RRP9: variants seen among roughly 807,000 people sequenced by gnomAD.
The protein encoded by RRP9 is ribosomal RNA processing 9, U3 small nucleolar RNA binding protein, also known as U3 small nucleolar RNA-interacting protein 2.
In RRP9, 35 loss-of-function variants were observed where a neutral mutation model predicts 65.5. That is an observed-to-expected ratio of 0.53 (90% confidence interval 0.41 to 0.71). RRP9 has a LOEUF of 0.71. RRP9 is among the 30% of genes least tolerant of loss of function. The pLI, the probability that RRP9 is intolerant of heterozygous loss-of-function variation, is 0.00. For synonymous variants in RRP9, 254 were observed against 245.0 expected (o/e 1.04, Z -0.34); for missense variants, 533 against 633.6 (o/e 0.84, Z 1.70).
Position 51,933,438 on chromosome 3 carries a change from A to G in RRP9, c.*68T>C. The G allele has an allele frequency of 7.5e-7, 1 of 1,332,974 alleles. No individual in the cohort carries two copies. Among genetic ancestry groups the G allele is most frequent in the South Asian group, 1.2e-5 (1 of 80,800 alleles). The allele number at this position is 1,332,974 out of a possible 1,614,324, so 82.6% of individuals were successfully genotyped here. A position where few individuals can be genotyped will look rare whatever the true frequency, so the allele number is the denominator to read the frequency against. On this transcript the variant is annotated 3_prime_UTR_variant, in exon 15 of 15. Coordinates refer to ENST00000232888, the MANE Select transcript of RRP9 (RefSeq NM_004704.5). ...AGCTACAAGAAACAAGGCCCAAAAG[A>G]GGAGGCTTTTAATACAAAGAGGGTG... is the stretch of plus-strand genomic sequence containing the variant.
At chr3:51,933,875 G>A in intron 13 of RRP9, 94 bp from the exon 14 acceptor site, 16 of 1,239,166 alleles carry the variant, frequency 1.3e-5, no homozygotes, top group Non-Finnish European at 1.8e-5. Flanking sequence ...ATCAGGCCTG[G>A]GTTAAATCCC....
At chr3:51,939,664 TA>T (rs1046362528) in intron 2 of RRP9, among the ~76,000 whole-genome samples, 1 of 152,258 alleles carries the variant, frequency 6.6e-6, no homozygotes, top group Non-Finnish European at 1.5e-5. Flanking sequence ...AAATTATACC[TA>T]AATGGAAAAT....
intron 2 of RRP9, among the ~76,000 whole-genome samples, chr3:51,940,693 TG>T: frequency 6.6e-6 from 1 of 152,194 alleles, no homozygotes; most frequent in South Asian, 2.1e-4. Context: ...TTTTTTTTTT[TG>T]TACAGACAAG....
chr3:51,937,841 C>G lies in RRP9; in HGVS notation c.281-105G>C. 7.3e-7 allele frequency: 1 copy of G among 1,374,006 alleles called. No individual in the cohort carries two copies. Among genetic ancestry groups the G allele is most frequent in the Non-Finnish European group, 1.0e-6 (1 of 986,194 alleles). 85.1% of individuals were successfully genotyped at this position (1,374,006 alleles called of 1,614,324 possible). ...CAGGGCTGGATAATGCAGGAAGCTC[C>G]AGCTGCCTCAGCAGAGGGGAGGGCA... is the stretch of plus-strand genomic sequence containing the variant. On this transcript the variant is annotated intron_variant, in intron 3 of 14. Coordinates refer to ENST00000232888, the MANE Select transcript of RRP9 (RefSeq NM_004704.5). This position sits in a 1 kb window ranked among gnomAD's most constrained non-coding sequence, Gnocchi z 5.0.
Position 51,934,941 on chromosome 3 carries a change from C to T in RRP9, c.1035-165G>A, listed in dbSNP as rs1464176600. ...AAACATCTCAAGTACCCCACAAATA[C>T]GTACACCTACTAAGCACCCACAACA... is the stretch of plus-strand genomic sequence containing the variant. On this transcript the variant is annotated intron_variant, in intron 11 of 14. Transcript: ENST00000232888. This position sits in a 1 kb window ranked among gnomAD's most constrained non-coding sequence, Gnocchi z 4.1. 2.6e-5 allele frequency among the ~76,000 whole-genome samples: 4 copies of T among 152,166 alleles called. No individual in the cohort carries two copies. Among genetic ancestry groups the T allele is most frequent in the Middle Eastern group, 3.4e-3 (1 of 294 alleles).
In RRP9 at chr3:51,933,536, C is replaced by G. The variant is rs1699414344; in HGVS notation, c.1398G>C (p.Arg466Ser). 6.2e-7 allele frequency: 1 copy of G among 1,613,990 alleles called. No individual in the cohort carries two copies. The highest frequency in any genetic ancestry group is 8.5e-7 in the Non-Finnish European group (1 of 1,179,952). ...AACCAGCAGCTGGGGGTACAGGGAC[C>G]CTGCGGAGTGGGATGATGCAGACAG... ...RNSVCIIPLRRVPVPPAAGS is the reference protein window; with the variant it reads ...RNSVCIIPLRSVPVPPAAGS Residue 466 changes from arginine to serine, a missense_variant, in exon 15 of 15, where the codon AGG (arginine) becomes AGC (serine). Physicochemically the swap from Arg to Ser is moderately radical, Grantham distance 110. This residue lies in a region of RRP9 where 449 missense variants were observed against 550.6 expected (regional missense o/e 0.82). Transcript: ENST00000232888.
At chr3:51,941,342 T>G (rs1699527394) in intron 2 of RRP9, 67 bp downstream of exon 2, 1 of 1,277,852 alleles carries the variant, frequency 7.8e-7, no homozygotes, top group South Asian at 1.2e-5. Flanking sequence ...CTGTTCGGAC[T>G]CACTCAGTCT....
intron 2 of RRP9, among the ~76,000 whole-genome samples, chr3:51,939,270 G>A (rs186552568): frequency 7.2e-5 from 11 of 152,334 alleles, no homozygotes; most frequent in Admixed American, 4.6e-4. Flanking sequence ...CCCTGTGCCT[G>A]GCAAGCCTTC....
rs1487961263 is a variant in RRP9, at chr3:51,935,234, T to C, written c.997A>G (p.Ile333Val). ...CCGGACACCATGTGCTCCTCATTGATTAGGTGGATGCAGTCGATGGAGCCC... is the reference window on the plus strand; with the variant it reads ...CCGGACACCATGTGCTCCTCATTGACTAGGTGGATGCAGTCGATGGAGCCC... ...HQGSIDCIHL[I>V]NEEHMVSGAD... The change falls in exon 11 of 15, where the codon ATC (isoleucine) becomes GTC (valine). Residue 333 changes from isoleucine (I) to valine (V), a missense_variant. Coordinates refer to ENST00000232888, the MANE Select transcript of RRP9 (RefSeq NM_004704.5). 1.9e-6 allele frequency: 3 copies of C among 1,613,968 alleles called. No homozygotes were observed. The Admixed American group carries it at 5.0e-5, about 27-fold the overall frequency.
In RRP9 at chr3:51,937,166, C is replaced by A; in HGVS notation, c.517+26G>T. On this transcript the variant is annotated intron_variant, in intron 6 of 14. Transcript: ENST00000232888. This position sits in a 1 kb window ranked among gnomAD's most constrained non-coding sequence, Gnocchi z 5.0. Reference sequence around the variant, plus strand: ...CCCTCCCGGATCCGCCATGGGGGCTCCAGCCCCACCCAGGCACTCACTCAC... The same window carrying A: ...CCCTCCCGGATCCGCCATGGGGGCTACAGCCCCACCCAGGCACTCACTCAC... 1 of 1,611,118 alleles carries A rather than the reference C, an allele frequency of 6.2e-7. No homozygotes were observed. Among genetic ancestry groups the A allele is most frequent in the Non-Finnish European group, 8.5e-7 (1 of 1,178,740 alleles).
In RRP9 at chr3:51,937,981, G is replaced by T; in HGVS notation, c.280+114C>A. On this transcript the variant is annotated intron_variant, in intron 3 of 14. Transcript: ENST00000232888. This position sits in a 1 kb window ranked among gnomAD's most constrained non-coding sequence, Gnocchi z 5.0. ...AGGGCAGCCAGCACTGACAGCCTGG[G>T]CACCCACTGGGAATCCATGTCAGTC... 2 of 1,035,666 alleles carry T rather than the reference G, an allele frequency of 1.9e-6. No individual in the cohort carries two copies. Among genetic ancestry groups the T allele is most frequent in the Non-Finnish European group, 2.8e-6 (2 of 708,410 alleles). The allele number at this position is 1,035,666 out of a possible 1,614,324, so 64.2% of individuals were successfully genotyped here.
chr3:51,940,992 C>T (rs1298498080), intron 2 of RRP9, among the ~76,000 whole-genome samples: 1 of 152,228 alleles, frequency 6.6e-6, no homozygotes, highest in Non-Finnish European at 1.5e-5. Context: ...CACTACAACA[C>T]ACTCTCTTCA....
rs1225302644 is a variant in RRP9, at chr3:51,937,686, G to A, written c.331C>T (p.Arg111Cys). 4.3e-6 allele frequency: 7 copies of A among 1,613,994 alleles called. No homozygotes were observed. Among genetic ancestry groups the A allele is most frequent in the East Asian group, 4.5e-5 (2 of 44,868 alleles). Residue 111 changes from arginine to cysteine, a missense_variant, in exon 4 of 15, where the codon CGC becomes TGC. Physicochemically the swap from Arg to Cys is radical, Grantham distance 180. Transcript: ENST00000232888. This position sits in a 1 kb window ranked among gnomAD's most constrained non-coding sequence, Gnocchi z 5.0. Reference sequence around the variant, plus strand: ...ACACTTACCACATCCTCCTTCAGGCGCCCCGCCACCTGGTCCTCCTCAAAT... The same window carrying A: ...ACACTTACCACATCCTCCTTCAGGCACCCCGCCACCTGGTCCTCCTCAAAT... ...RAFEEDQVAGRLKEDVLEQRG... is the reference protein window; with the variant it reads ...RAFEEDQVAGCLKEDVLEQRG...
At chr3:51,941,099 CAAGGGAAG>C (rs1458718977) in intron 2 of RRP9, among the ~76,000 whole-genome samples, 4 of 152,198 alleles carry the variant, frequency 2.6e-5, no homozygotes. Flanking sequence ...GGAAAACTGG[CAAGGGAAG>C]AAGGATGCAA....
chr3:51,937,987 A>C lies in RRP9; in HGVS notation c.280+108T>G. 9.4e-7 allele frequency: 1 copy of C among 1,065,636 alleles called. No individual in the cohort carries two copies. The highest frequency in any genetic ancestry group is 1.4e-6 in the Non-Finnish European group (1 of 735,064). The allele number at this position is 1,065,636 out of a possible 1,614,324, so 66.0% of individuals were successfully genotyped here. ...GCCAGCACTGACAGCCTGGGCACCC[A>C]CTGGGAATCCATGTCAGTCACCCAT... is the stretch of plus-strand genomic sequence containing the variant. On this transcript the variant is annotated intron_variant, in intron 3 of 14. Coordinates refer to ENST00000232888, the MANE Select transcript of RRP9 (RefSeq NM_004704.5). This position sits in a 1 kb window ranked among gnomAD's most constrained non-coding sequence, Gnocchi z 5.0.
In RRP9 at chr3:51,935,494, G is replaced by A; in HGVS notation, c.837-18C>T. 1 of 1,614,068 alleles carries A rather than the reference G, an allele frequency of 6.2e-7. No individual in the cohort carries two copies. The highest frequency in any genetic ancestry group is 8.5e-7 in the Non-Finnish European group (1 of 1,180,020). ...GTCCGAAGCTAGAGGGCCGGGCAGA[G>A]CAGGATAGTGGGGATAGGGGTACTG... On this transcript the variant is annotated intron_variant, in intron 9 of 14. Coordinates refer to ENST00000232888, the MANE Select transcript of RRP9 (RefSeq NM_004704.5).
chr3:51,935,161 G>A, intron 11 of RRP9, 36 bp downstream of exon 11: 1 of 1,610,892 alleles, frequency 6.2e-7, no homozygotes. Context: ...CTCAGGAGCA[G>A]AAGCCGTGGC....
Position 51,937,612 on chromosome 3 carries a change from C to T in RRP9, c.349-26G>A, listed in dbSNP as rs748089420. ...CTGCATGGAGAAGAGATGGATGAGA[C>T]CCTGGGAGCAGATCAGCTCCACCCC... On this transcript the variant is annotated intron_variant, in intron 4 of 14. Coordinates refer to ENST00000232888, the MANE Select transcript of RRP9 (RefSeq NM_004704.5). The surrounding 1 kb of genome is among the most constrained non-coding windows in gnomAD (Gnocchi z 5.0). 3.7e-6 allele frequency: 6 copies of T among 1,614,212 alleles called. No homozygotes were observed. Among genetic ancestry groups the T allele is most frequent in the Non-Finnish European group, 5.1e-6 (6 of 1,180,036 alleles).
chr3:51,941,309 A>C, intron 2 of RRP9, 100 bp downstream of exon 2: 1 of 1,003,784 alleles, frequency 1.0e-6, no homozygotes, highest in Non-Finnish European at 1.6e-6. Context: ...CAAGGGACAG[A>C]GTCTTGGATT....
Sources: allele counts gnomAD v4.1 joint callset (sites outside exome capture counted in the v4.1 genomes callset), GRCh38; gene constraint gnomAD v4.1.1; regional missense constraint gnomAD v4.1.1; non-coding constraint Gnocchi (gnomAD v3.1); transcripts MANE v1.5; gene names NCBI Gene and HGNC (gene_info 2026-07-23, HGNC 2026-07-21).